ADAM18: variants seen among roughly 807,000 people sequenced by gnomAD.
ADAM18 encodes disintegrin and metalloproteinase domain-containing protein 18.
A neutral mutation model predicts 94.4 loss-of-function variants in ADAM18; 117 were observed. That is an observed-to-expected ratio of 1.24 (90% CI 1.07 to 1.45). The LOEUF is 1.45. Among genes scored for constraint, ADAM18 ranks in the 40% most tolerant of loss-of-function variants. ADAM18 has a pLI of 0.00. For missense variants in ADAM18, 936 were observed against 880.0 expected (o/e 1.06, Z -0.81); for synonymous variants, 327 against 291.6 (o/e 1.12, Z -1.24).
chr8:39,621,460 T>A (rs1223301326), intron 6 of ADAM18, among the ~76,000 whole-genome samples: 2 of 151,858 alleles, frequency 1.3e-5, no homozygotes, highest in Non-Finnish European at 2.9e-5. Flanking sequence ...TTCTAGTGTT[T>A]CAATTTTTTT....
At chr8:39,588,414 T>A (rs533320621) in intron 2 of ADAM18, among the ~76,000 whole-genome samples, 2 of 152,184 alleles carry the variant, frequency 1.3e-5, no homozygotes, top group Non-Finnish European at 1.5e-5. Context: ...TTAATCAGGT[T>A]ATTTGTTTTG....
intron 14 of ADAM18, among the ~76,000 whole-genome samples, chr8:39,671,134 C>T (rs1241409666): frequency 3.3e-5 from 5 of 152,290 alleles, no homozygotes; most frequent in South Asian, 4.1e-4. Flanking sequence ...CAACTACTAA[C>T]AGTTGGTAAT....
At chr8:39,726,649 C>T (rs201997) in intron 19 of ADAM18, among the ~76,000 whole-genome samples, 1 of 151,962 alleles carries the variant, frequency 6.6e-6, no homozygotes, top group South Asian at 2.1e-4. Context: ...GGAGCTTTCT[C>T]TCTATTTTCT....
chr8:39,640,135 A>AT (rs1347314262), intron 10 of ADAM18, among the ~76,000 whole-genome samples: 11 of 152,154 alleles, frequency 7.2e-5, no homozygotes, highest in African/African-American at 2.6e-4. Context: ...CATAGATATT[A>AT]AGCCCAACAT....
At chr8:39,628,371 G>T (rs1819831530) in intron 6 of ADAM18, among the ~76,000 whole-genome samples, 1 of 151,678 alleles carries the variant, frequency 6.6e-6, no homozygotes. Flanking sequence ...CTTGATAGAT[G>T]ATAGACTGAT....
At chr8:39,671,754 C>T (rs1410177871) in intron 14 of ADAM18, among the ~76,000 whole-genome samples, 1 of 152,148 alleles carries the variant, frequency 6.6e-6, no homozygotes, top group Non-Finnish European at 1.5e-5. Flanking sequence ...CGCTATCCTT[C>T]GTGGCCACTA....
intron 14 of ADAM18, among the ~76,000 whole-genome samples, chr8:39,675,932 GT>G (rs1821288775): frequency 6.6e-6 from 1 of 152,192 alleles, no homozygotes; most frequent in Non-Finnish European, 1.5e-5. Context: ...TCCAGACCCT[GT>G]TTCCCTGGGT....
chr8:39,718,093 T>C (rs1330968140), intron 18 of ADAM18, among the ~76,000 whole-genome samples: 1 of 151,514 alleles, frequency 6.6e-6, no homozygotes, highest in Non-Finnish European at 1.5e-5. Flanking sequence ...TGTGAAGAAC[T>C]TGGGACCCTT....
chr8:39,596,751 C>T (rs1319579325), intron 2 of ADAM18, among the ~76,000 whole-genome samples: 1 of 152,196 alleles, frequency 6.6e-6, no homozygotes, highest in Non-Finnish European at 1.5e-5. Flanking sequence ...AAACTGCCAG[C>T]TTATCCTCCA....
intron 19 of ADAM18, among the ~76,000 whole-genome samples, chr8:39,727,476 C>G (rs1261224062): frequency 1.3e-5 from 2 of 152,172 alleles, no homozygotes; most frequent in East Asian, 3.8e-4. Flanking sequence ...ATCTTGAAAA[C>G]TTTACTGCTT....
At chr8:39,717,505 A>G (rs1043163218) in intron 18 of ADAM18, among the ~76,000 whole-genome samples, 3 of 151,722 alleles carry the variant, frequency 2.0e-5, no homozygotes, top group South Asian at 2.1e-4. Flanking sequence ...ATTTTTTGGT[A>G]AGGTAAATCT....
At chr8:39,706,564 T>C (rs1402249100) in intron 17 of ADAM18, among the ~76,000 whole-genome samples, 1 of 152,160 alleles carries the variant, frequency 6.6e-6, no homozygotes, top group Non-Finnish European at 1.5e-5. Context: ...GCTCAATGTA[T>C]AGAGGCCAGA....
chr8:39,686,893 T>C (rs1018709444), intron 16 of ADAM18, among the ~76,000 whole-genome samples: 1 of 152,220 alleles, frequency 6.6e-6, no homozygotes, highest in African/African-American at 2.4e-5. Context: ...CTTTGTTTGG[T>C]GCATATTCAT....
chr8:39,609,948 A>G (rs927934910), intron 5 of ADAM18, among the ~76,000 whole-genome samples: 3 of 152,120 alleles, frequency 2.0e-5, no homozygotes, highest in African/African-American at 7.2e-5. Context: ...AGTTAAGAAG[A>G]TCCCTCAGGA....
In ADAM18 at chr8:39,637,559, C is replaced by G. The variant is rs267601917; in HGVS notation, c.683C>G (p.Thr228Ser). Residue 228 changes from threonine to serine, a missense_variant, in exon 9 of 20, where the codon ACT becomes AGT. Thr to Ser is a moderately conservative substitution (Grantham distance 58, BLOSUM62 1). Coordinates refer to ENST00000265707, the MANE Select transcript of ADAM18 (RefSeq NM_014237.3). ...TAGATGTTTACCCAGTTCAAATTGACTGTTATACTGTCTTCCTTGGAATTG... is the reference window on the plus strand; with the variant it reads ...TAGATGTTTACCCAGTTCAAATTGAGTGTTATACTGTCTTCCTTGGAATTG... ...VNTMFTQFKL[T>S]VILSSLELWS... 6.8e-6 allele frequency: 11 copies of G among 1,610,696 alleles called. No individual in the cohort carries two copies. The highest frequency in any genetic ancestry group is 9.3e-6 in the Non-Finnish European group (11 of 1,178,360).
intron 12 of ADAM18, among the ~76,000 whole-genome samples, chr8:39,652,762 T>C (rs1440045478): frequency 6.6e-6 from 1 of 152,190 alleles, no homozygotes; most frequent in East Asian, 1.9e-4. Context: ...TTGTGTACAA[T>C]AGCCAAGGAA....
intron 15 of ADAM18, 149 bp downstream of exon 15, chr8:39,677,685 T>C (rs1346085386): frequency 3.3e-6 from 2 of 599,534 alleles, no homozygotes; most frequent in African/African-American, 3.8e-5. Context: ...AAATTCAGGA[T>C]TTTCTATTAT....
intron 18 of ADAM18, among the ~76,000 whole-genome samples, chr8:39,716,645 T>A (rs1358010539): frequency 1.3e-5 from 2 of 151,998 alleles, no homozygotes; most frequent in Admixed American, 6.6e-5. Context: ...AAGAGCTGTG[T>A]GAACTTGAGA....
At chr8:39,606,478 T>C in intron 3 of ADAM18, 116 bp downstream of exon 3, 1 of 538,954 alleles carries the variant, frequency 1.9e-6, no homozygotes, top group Non-Finnish European at 3.1e-6. Flanking sequence ...TGTAGACTTG[T>C]TTTATCAATC....
Sources: allele counts gnomAD v4.1 joint callset (sites outside exome capture counted in the v4.1 genomes callset), GRCh38; gene constraint gnomAD v4.1.1; transcripts MANE v1.5; gene names NCBI Gene and HGNC (gene_info 2026-07-23, HGNC 2026-07-21).